The following ANKRD11 variants were observed in gnomAD, a reference collection of about 807,000 sequenced individuals.
ANKRD11 encodes the protein ankyrin repeat domain-containing protein 11.
ANKRD11 carries 17 observed loss-of-function variants against 195.7 expected under a neutral mutation model. The ratio of observed to expected loss-of-function variants is 0.09; its 90% confidence interval spans 0.06 to 0.13. ANKRD11 has a LOEUF of 0.13. Ranked by LOEUF, ANKRD11 falls within the 10% of genes least tolerant of loss-of-function variation. ANKRD11 has a pLI of 1.00. For missense variants in ANKRD11, 3,735 were observed against 3,566.1 expected (o/e 1.05, Z -1.21); for synonymous variants, 1,953 against 1,528.1 (o/e 1.28, Z -6.49).
chr16:89,353,213 A>G (rs1024568533), intron 2 of ANKRD11, among the ~76,000 whole-genome samples: 4 of 151,916 alleles, frequency 2.6e-5, no homozygotes, highest in South Asian at 2.1e-4. Flanking sequence ...ATGGTGGCAG[A>G]CGCCTATAAT....
At chr16:89,286,924 TA>T in intron 7 of ANKRD11, 1 of 1,289,712 alleles carries the variant, frequency 7.8e-7, no homozygotes, top group African/African-American at 1.5e-5. Context: ...TAACGTTTAC[TA>T]TAGACTCTTG....
chr16:89,488,412 G>T (rs898507157), intron 1 of ANKRD11, among the ~76,000 whole-genome samples: 2 of 151,602 alleles, frequency 1.3e-5, no homozygotes, highest in Non-Finnish European at 2.9e-5. Flanking sequence ...CAATGCAAGG[G>T]TCACAATGAA....
intron 1 of ANKRD11, among the ~76,000 whole-genome samples, chr16:89,431,893 G>A (rs1453054105): frequency 6.6e-6 from 1 of 152,076 alleles, no homozygotes; most frequent in Non-Finnish European, 1.5e-5. Context: ...CCTTGCTGCA[G>A]GGCACCACTG....
At chr16:89,444,013 T>C (rs1374775883) in intron 1 of ANKRD11, among the ~76,000 whole-genome samples, 2 of 152,154 alleles carry the variant, frequency 1.3e-5, no homozygotes, top group African/African-American at 2.4e-5. Flanking sequence ...AGACCAAGAA[T>C]ACAGTTTCCA....
At chr16:89,357,842 C>T (rs1348985721) in intron 2 of ANKRD11, among the ~76,000 whole-genome samples, 1 of 152,196 alleles carries the variant, frequency 6.6e-6, no homozygotes, top group Non-Finnish European at 1.5e-5. Flanking sequence ...GCTGAAGGTA[C>T]TGGAAGCCAG....
intron 2 of ANKRD11, among the ~76,000 whole-genome samples, chr16:89,396,384 G>T (rs1056487544): frequency 6.6e-6 from 1 of 152,110 alleles, no homozygotes; most frequent in African/African-American, 2.4e-5. Flanking sequence ...CGCACTCGCC[G>T]CAAGAGAGAC....
chr16:89,471,749 C>A (rs966280583), intron 1 of ANKRD11, among the ~76,000 whole-genome samples: 1 of 130,576 alleles, frequency 7.7e-6, no homozygotes, highest in Non-Finnish European at 1.5e-5. Flanking sequence ...GATGCCACTG[C>A]ACTCCAGCCT....
At chr16:89,349,374 G>A (rs971385976) in intron 2 of ANKRD11, among the ~76,000 whole-genome samples, 4 of 151,740 alleles carry the variant, frequency 2.6e-5, no homozygotes, top group Non-Finnish European at 5.9e-5. Context: ...CAGCTACTTG[G>A]AAGGCTGAGG....
At chr16:89,313,038 C>T (rs1007714211) in intron 3 of ANKRD11, among the ~76,000 whole-genome samples, 5 of 152,192 alleles carry the variant, frequency 3.3e-5, no homozygotes, top group Admixed American at 6.5e-5. Flanking sequence ...AGCCTCCATG[C>T]CCATGGACGC....
At chr16:89,373,880 C>T (rs2152086919) in intron 2 of ANKRD11, among the ~76,000 whole-genome samples, 1 of 152,344 alleles carries the variant, frequency 6.6e-6, no homozygotes, top group East Asian at 1.9e-4. Flanking sequence ...GCACTTGACA[C>T]AGAGGTGGGG....
chr16:89,280,240 C>G lies in ANKRD11; in HGVS notation c.6302G>C (p.Ser2101Thr). ...CAGGCCGCGGCTGCCGTCCAGGAAG[C>G]TATTTTCCAGGGGCCCCAGAGCCTC... ...QVEALGPLENSFLDGSRGLSH... is the reference protein window; with the variant it reads ...QVEALGPLENTFLDGSRGLSH... Residue 2101 changes from serine to threonine, a missense_variant, in exon 9 of 13, where the codon AGC becomes ACC. Transcript: ENST00000301030. 2 of 1,608,490 alleles carry G rather than the reference C, an allele frequency of 1.2e-6. No homozygotes were observed. The highest frequency in any genetic ancestry group is 1.7e-6 in the Non-Finnish European group (2 of 1,179,506).
intron 1 of ANKRD11, among the ~76,000 whole-genome samples, chr16:89,473,170 A>T (rs2057145365): frequency 7.8e-6 from 1 of 128,120 alleles, no homozygotes; most frequent in Non-Finnish European, 1.7e-5. Context: ...AGAAAGCAAG[A>T]CCCTGCCTCA....
In ANKRD11 at chr16:89,281,879, C is replaced by T. The variant is rs545166190; in HGVS notation, c.4663G>A (p.Val1555Ile). 1.9e-5 allele frequency: 30 copies of T among 1,613,942 alleles called. No homozygotes were observed. The highest frequency in any genetic ancestry group is 2.5e-5 in the Non-Finnish European group (29 of 1,180,030). ...TTGCCTGGGTCTTTGGATGGCGCTA[C>T]CTTATCATTCCCGTTGCTCATCTTC... ...PVKMSNGNDKVAPSKDPGKKD... is the reference protein window; with the variant it reads ...PVKMSNGNDKIAPSKDPGKKD... The change falls in exon 9 of 13, where the codon GTA (valine) becomes ATA (isoleucine). Residue 1555 changes from valine (V) to isoleucine (I), a missense_variant. Coordinates refer to ENST00000301030, the MANE Select transcript of ANKRD11 (RefSeq NM_013275.6). This position sits in a 1 kb window ranked among gnomAD's most constrained non-coding sequence, Gnocchi z 5.5.
chr16:89,355,491 G>C (rs1337768563), intron 2 of ANKRD11, among the ~76,000 whole-genome samples: 1 of 152,152 alleles, frequency 6.6e-6, no homozygotes, highest in African/African-American at 2.4e-5. Flanking sequence ...ATTTCAAAGT[G>C]CTCCTCAGGG....
chr16:89,441,578 T>G (rs180789921), intron 1 of ANKRD11, among the ~76,000 whole-genome samples: 20 of 151,800 alleles, frequency 1.3e-4, no homozygotes, highest in South Asian at 1.3e-3. Context: ...CCATCCTGGC[T>G]AACATGGTAA....
At chr16:89,450,099 G>A (rs1050829398) in intron 1 of ANKRD11, among the ~76,000 whole-genome samples, 1 of 152,166 alleles carries the variant, frequency 6.6e-6, no homozygotes, top group African/African-American at 2.4e-5. Flanking sequence ...TACTGAATGT[G>A]TCACACTCTG....
chr16:89,334,431 C>T (rs1480729278), intron 2 of ANKRD11, among the ~76,000 whole-genome samples: 1 of 152,148 alleles, frequency 6.6e-6, no homozygotes, highest in Non-Finnish European at 1.5e-5. Flanking sequence ...GCCTGCCATT[C>T]TCTGAGGAGT....
At chr16:89,307,932 G>C (rs890823543) in intron 3 of ANKRD11, among the ~76,000 whole-genome samples, 2 of 151,578 alleles carry the variant, frequency 1.3e-5, no homozygotes, top group African/African-American at 4.8e-5. Flanking sequence ...AACATGTGAA[G>C]GTTCTACCAA....
At chr16:89,269,740 C>T (rs2032971828) in intron 12 of ANKRD11, among the ~76,000 whole-genome samples, 2 of 152,082 alleles carry the variant, frequency 1.3e-5, no homozygotes, top group Admixed American at 6.6e-5. Context: ...GAATTACAGG[C>T]ACGCACCACC....
Sources: allele counts gnomAD v4.1 joint callset (sites outside exome capture counted in the v4.1 genomes callset), GRCh38; gene constraint gnomAD v4.1.1; non-coding constraint Gnocchi (gnomAD v3.1); transcripts MANE v1.5; gene names NCBI Gene and HGNC (gene_info 2026-07-23, HGNC 2026-07-21).